Variants in STON1 observed in about 807,000 individuals in gnomAD.
STON1 encodes stonin-1.
A neutral mutation model predicts 60.9 loss-of-function variants in STON1; 79 were observed. That is an observed-to-expected ratio of 1.30 (90% CI 1.08 to 1.56). STON1 has a LOEUF of 1.56. Among genes scored for constraint, STON1 ranks in the 40% most tolerant of loss-of-function variants. The probability of loss-of-function intolerance (pLI) is 0.00; values close to 1 mark genes in which losing one functional copy is unlikely to be tolerated. For missense variants in STON1, 1,166 were observed against 858.9 expected (o/e 1.36, Z -4.47); for synonymous variants, 363 against 306.9 (o/e 1.18, Z -1.91).
intron 1 of STON1, among the ~76,000 whole-genome samples, chr2:48,544,547 T>G (rs1476427252): frequency 6.6e-6 from 1 of 152,052 alleles, no homozygotes; most frequent in Non-Finnish European, 1.5e-5. Context: ...TCGTTTTTTG[T>G]TTTGTTTTGT....
intron 1 of STON1, among the ~76,000 whole-genome samples, chr2:48,576,862 G>A (rs1673537642): frequency 6.6e-6 from 1 of 151,150 alleles, no homozygotes; most frequent in African/African-American, 2.4e-5. Context: ...AGACCATCCT[G>A]GCTAACACGG....
intron 2 of STON1, among the ~76,000 whole-genome samples, chr2:48,587,659 C>A (rs1336551656): frequency 6.6e-6 from 1 of 152,194 alleles, no homozygotes; most frequent in African/African-American, 2.4e-5. Flanking sequence ...TCCAGGGAAA[C>A]TGGCTGGACC....
chr2:48,562,525 G>C (rs964756338), intron 1 of STON1, among the ~76,000 whole-genome samples: 1 of 152,178 alleles, frequency 6.6e-6, no homozygotes, highest in East Asian at 1.9e-4. Flanking sequence ...TGTGAAGTAG[G>C]TGTTACTTAT....
chr2:48,534,497 A>G (rs1324667329), intron 1 of STON1, among the ~76,000 whole-genome samples: 1 of 152,206 alleles, frequency 6.6e-6, no homozygotes, highest in Non-Finnish European at 1.5e-5. Flanking sequence ...AGGAATAAGT[A>G]GAAAAGGAAA....
At chr2:48,588,964 TAGAG>T (rs1167825558) in intron 2 of STON1, among the ~76,000 whole-genome samples, 24 of 151,966 alleles carry the variant, frequency 1.6e-4, no homozygotes, top group Non-Finnish European at 2.9e-4. Flanking sequence ...GTTGGGGTGA[TAGAG>T]AGAGAAAGAG....
At chr2:48,533,618 T>G (rs991431659) in intron 1 of STON1, among the ~76,000 whole-genome samples, 2 of 128,380 alleles carry the variant, frequency 1.6e-5, no homozygotes, top group Non-Finnish European at 3.1e-5. Flanking sequence ...GCCAAGATTG[T>G]GCCACTGCAC....
chr2:48,565,590 A>G (rs1672909494), intron 1 of STON1, among the ~76,000 whole-genome samples: 1 of 152,222 alleles, frequency 6.6e-6, no homozygotes, highest in South Asian at 2.1e-4. Context: ...GAATACAGGC[A>G]TGGTCATAAG....
intron 1 of STON1, among the ~76,000 whole-genome samples, chr2:48,575,391 C>T (rs1276821733): frequency 1.3e-5 from 2 of 152,100 alleles, no homozygotes; most frequent in Non-Finnish European, 2.9e-5. Context: ...CTGTGGCTCA[C>T]ACCTGTAATC....
At chr2:48,531,951 A>G (rs1671227582) in intron 1 of STON1, 1 of 152,200 alleles carries the variant, frequency 6.6e-6, no homozygotes, top group Non-Finnish European at 1.5e-5. Flanking sequence ...TTATGTTAAA[A>G]AGGATGTAAT....
intron 1 of STON1, among the ~76,000 whole-genome samples, chr2:48,542,383 G>T (rs1474962325): frequency 2.0e-5 from 3 of 152,154 alleles, no homozygotes; most frequent in Admixed American, 1.3e-4. Flanking sequence ...CCACTAATTA[G>T]ATATGTGGCC....
intron 1 of STON1, among the ~76,000 whole-genome samples, chr2:48,573,770 C>G (rs76062057): frequency 0.066 from 10,021 of 152,238 alleles, 470 homozygotes; most frequent in Non-Finnish European, 0.1. Context: ...GGAAACAAAC[C>G]AAATGTCTAT....
intron 1 of STON1, among the ~76,000 whole-genome samples, chr2:48,547,370 G>A (rs1418458308): frequency 1.3e-5 from 2 of 152,194 alleles, no homozygotes; most frequent in African/African-American, 4.8e-5. Context: ...CAGGCCCTTA[G>A]CACTGGGCAG....
At chr2:48,536,694 C>G (rs1453951822) in intron 1 of STON1, among the ~76,000 whole-genome samples, 1 of 151,640 alleles carries the variant, frequency 6.6e-6, no homozygotes, top group East Asian at 1.9e-4. Flanking sequence ...GTTAGTTTGT[C>G]TAGTTGCACA....
chr2:48,558,977 G>A (rs1235510676), intron 1 of STON1, among the ~76,000 whole-genome samples: 1 of 152,184 alleles, frequency 6.6e-6, no homozygotes, highest in African/African-American at 2.4e-5. Context: ...ATGCTGACCT[G>A]AGGCTGAAAG....
At chr2:48,548,016 C>G (rs1023071722) in intron 1 of STON1, among the ~76,000 whole-genome samples, 6 of 152,206 alleles carry the variant, frequency 3.9e-5, no homozygotes, top group African/African-American at 1.4e-4. Context: ...TCCCATAGCC[C>G]TTCCTTTTGT....
intron 1 of STON1, among the ~76,000 whole-genome samples, chr2:48,539,589 C>T (rs555015594): frequency 1.3e-5 from 2 of 152,022 alleles, no homozygotes; most frequent in Non-Finnish European, 2.9e-5. Flanking sequence ...GCAACCTCTG[C>T]CTCCTGGGTT....
At position 48,597,858 on chromosome 2, in the gene STON1, A is replaced by G. The variant is rs991823613; in HGVS notation, c.*2556A>G. 6.6e-6 allele frequency: 1 copy of G among 152,286 alleles called. No homozygotes were observed. Among genetic ancestry groups the G allele is most frequent in the East Asian group, 1.9e-4 (1 of 5,202 alleles). 9.4% of individuals were successfully genotyped at this position (152,286 alleles called of 1,614,324 possible). ...GATGTGACTACAGAACTCTAGGTGA[A>G]AAATCAGGTAGGGTTCAAATTAAGT... On this transcript the variant is annotated 3_prime_UTR_variant, in exon 4 of 4. Coordinates refer to ENST00000404752, the MANE Select transcript of STON1 (RefSeq NM_006873.4).
At position 48,551,759 on chromosome 2, in the gene STON1, C is replaced by T. The variant is rs150838255; in HGVS notation, c.-48+21543C>T. 5.7e-3 allele frequency among the ~76,000 whole-genome samples: 861 copies of T among 152,334 alleles called. 7 individuals are homozygous for T. The highest frequency in any genetic ancestry group is 0.019 in the African/African-American group (800 of 41,578). ...CTGGCTGAAGTGTCAGGTACATTTA[C>T]CAAACATTGATTGGACTCCAGGCCC... On this transcript the variant is annotated intron_variant, in intron 1 of 3. Coordinates refer to ENST00000404752, the MANE Select transcript of STON1 (RefSeq NM_006873.4).
At chr2:48,588,526 T>G (rs529154659) in intron 2 of STON1, among the ~76,000 whole-genome samples, 8 of 151,860 alleles carry the variant, frequency 5.3e-5, no homozygotes, top group Non-Finnish European at 8.8e-5. Context: ...ATTTTTTGTA[T>G]TTTTGGTAGA....
Sources: gnomAD v4.1 joint callset for allele counts (sites outside exome capture counted in the v4.1 genomes callset) on GRCh38, gnomAD v4.1.1 for gene constraint, MANE v1.5 for transcripts, NCBI Gene and HGNC (gene_info 2026-07-23, HGNC 2026-07-21) for gene names.